The following UBR4 variants were observed in gnomAD, a reference collection of about 807,000 sequenced individuals.
UBR4 encodes E3 ubiquitin-protein ligase UBR4.
A neutral mutation model predicts 575.6 loss-of-function variants in UBR4; 124 were observed. The ratio of observed to expected loss-of-function variants is 0.22; its 90% confidence interval spans 0.19 to 0.25. UBR4 has a LOEUF of 0.25. UBR4 is among the 10% of genes least tolerant of loss of function. The pLI, the probability that UBR4 is intolerant of heterozygous loss-of-function variation, is 1.00. For missense variants in UBR4, 4,818 were observed against 6,478.8 expected, an observed-to-expected ratio of 0.74 and a Z score of 8.80; for synonymous variants, 2,455 against 2,473.7, an observed-to-expected ratio of 0.99 and a Z score of 0.22.
In UBR4 at chr1:19,155,553, A is replaced by G. The variant is rs2086324291; in HGVS notation, c.6188T>C (p.Ile2063Thr). The G allele has an allele frequency of 3.7e-6, 6 of 1,614,096 alleles. No homozygotes were observed. Among genetic ancestry groups the G allele is most frequent in the Middle Eastern group, 1.6e-4 (1 of 6,082 alleles). Reference protein sequence around the residue: ...FNEEGKNIIVIMSSAGYIYTQ... With the variant: ...FNEEGKNIIVTMSSAGYIYTQ... ...ATAGATGTACCCAGCCGAAGACATT[A>G]TAACAATGATGTTCTTTCCCTCCTC... Residue 2063 changes from isoleucine to threonine, a missense_variant, in exon 43 of 106, where the codon ATA becomes ACA. Coordinates refer to ENST00000375254, the MANE Select transcript of UBR4 (RefSeq NM_020765.3).
rs768904173 is a variant in UBR4, at chr1:19,186,515, GGA to G, written c.1750+23_1750+24del. 3.8e-6 allele frequency: 6 copies of G among 1,594,792 alleles called. No individual in the cohort carries two copies. In the Admixed American group the frequency reaches 1.0e-4, roughly 27 times the overall value. On this transcript the variant is annotated intron_variant, in intron 14 of 105. Transcript: ENST00000375254. The stretch of plus-strand genomic sequence containing the variant: ...TGTTGCACTCTATAGCTTATCTCTG[GGA>G]GAGAGAAAAGAGCGGCCTCTACCTT...
rs750296088 is a variant in UBR4 at position 19,168,187 on chromosome 1, G to A, written c.3742-3C>T. ...GTGTCATTGGCAAAGGCATTGCGCT[G>A]AAAGGAAGCAAAGCAGATGTAAATG... On this transcript the variant is annotated splice_polypyrimidine_tract_variant and splice_region_variant and intron_variant, in intron 27 of 105. Coordinates refer to ENST00000375254, the MANE Select transcript of UBR4 (RefSeq NM_020765.3). 1 of 1,568,240 alleles carries A rather than the reference G, an allele frequency of 6.4e-7. No homozygotes were observed.
intron 1 of UBR4, among the ~76,000 whole-genome samples, chr1:19,209,307 T>C (rs575568970): frequency 1.3e-5 from 2 of 152,292 alleles, no homozygotes; most frequent in South Asian, 4.1e-4. Flanking sequence ...CTGAGCACAG[T>C]ATGTCAGGAA....
At chr1:19,094,537 A>C (rs1177306071) in intron 94 of UBR4, among the ~76,000 whole-genome samples, 1 of 152,226 alleles carries the variant, frequency 6.6e-6, no homozygotes, top group Non-Finnish European at 1.5e-5. Flanking sequence ...TGATTCCACC[A>C]GTAACCAACT....
chr1:19,144,055 T>C lies in UBR4; in HGVS notation c.8104A>G (p.Ile2702Val). Reference protein sequence around the residue: ...AVSFSCKQALIRVLRPRNKRR... With the variant: ...AVSFSCKQALVRVLRPRNKRR... ...TTGTTCCTGGGCCTTAGGACTCGAA[T>C]TAGAGCTTGTTTACAAGAGAAGCTC... Residue 2702 changes from isoleucine to valine, a missense_variant, in exon 55 of 106, where the codon ATT becomes GTT. Physicochemically the swap from Ile to Val is conservative, Grantham distance 29. Around this residue, in one of 29 missense-constraint regions of UBR4, gnomAD observed 340 missense variants for 375.4 expected, o/e 0.91. Transcript: ENST00000375254. 1.2e-6 allele frequency: 2 copies of C among 1,614,042 alleles called. No homozygotes were observed. Among genetic ancestry groups the C allele is most frequent in the Non-Finnish European group, 1.7e-6 (2 of 1,179,916 alleles).
intron 33 of UBR4, 79 bp downstream of exon 33, chr1:19,164,174 C>A: frequency 6.7e-7 from 1 of 1,487,362 alleles, no homozygotes; most frequent in East Asian, 2.3e-5. Flanking sequence ...TTCTTCTGTA[C>A]TCACTTTGAG....
At chr1:19,166,663 A>G (rs2088475095) in intron 29 of UBR4, among the ~76,000 whole-genome samples, 1 of 135,454 alleles carries the variant, frequency 7.4e-6, no homozygotes, top group Non-Finnish European at 1.6e-5. Flanking sequence ...GGATCACTTG[A>G]GCTCAGGAGT....
At chr1:19,187,987 C>G (rs1395967718) in intron 11 of UBR4, among the ~76,000 whole-genome samples, 1 of 151,388 alleles carries the variant, frequency 6.6e-6, no homozygotes. Context: ...CCACTGCACT[C>G]CAGCCTGGGT....
intron 65 of UBR4, among the ~76,000 whole-genome samples, chr1:19,124,238 A>C (rs952810367): frequency 2.0e-5 from 3 of 152,182 alleles, no homozygotes; most frequent in Non-Finnish European, 4.4e-5. Context: ...AAATCTCTCT[A>C]TTAAGATAAC....
In UBR4 at chr1:19,165,774, A is replaced by G. The variant is rs964915457; in HGVS notation, c.4110-17T>C. 1.9e-6 allele frequency: 3 copies of G among 1,597,156 alleles called. No homozygotes were observed. The highest frequency in any genetic ancestry group is 2.6e-6 in the Non-Finnish European group (3 of 1,168,652). ...TCCAGTCCACTGAGGATCAAACGGA[A>G]AACTTAACCACCAGTATTAAGACCT... On this transcript the variant is annotated splice_polypyrimidine_tract_variant and intron_variant, in intron 29 of 105. Transcript: ENST00000375254.
chr1:19,192,624 C>A, intron 9 of UBR4, 84 bp from the exon 10 acceptor site: 2 of 1,454,208 alleles, frequency 1.4e-6, no homozygotes, highest in Non-Finnish European at 9.6e-7. Context: ...AACAATTTAA[C>A]TTGAAGAGTT....
At chr1:19,145,979 G>C (rs376091955) in intron 52 of UBR4, 46 bp from the exon 53 acceptor site, 23 of 1,612,826 alleles carry the variant, frequency 1.4e-5, no homozygotes, top group African/African-American at 2.7e-5. Context: ...ATCTGAGATG[G>C]AATTTAATTT....
In UBR4 at chr1:19,138,093, G is replaced by C. The variant is rs903774586; in HGVS notation, c.8820C>G (p.Ile2940Met). The change falls in exon 60 of 106, where the codon ATC becomes ATG. Residue 2940 changes from isoleucine to methionine, a missense_variant. Coordinates refer to ENST00000375254, the MANE Select transcript of UBR4 (RefSeq NM_020765.3). ...CCTCCTGGTGCCCAGTGGTGGTGCT[G>C]ATGGCTCCAGTGCTTGAGCTGACAC... ...PGSVSSSTGA[I>M]STTTGHQEGD... 10 of 1,598,382 alleles carry C rather than the reference G, an allele frequency of 6.3e-6. No individual in the cohort carries two copies. Among genetic ancestry groups the C allele is most frequent in the African/African-American group, 1.3e-5 (1 of 74,598 alleles).
Position 19,161,034 on chromosome 1 carries a change from C to T in UBR4, c.5289G>A (p.Ser1763=), listed in dbSNP as rs142435423. 14 of 1,613,956 alleles carry T rather than the reference C, an allele frequency of 8.7e-6. No homozygotes were observed. In the African/African-American group the frequency reaches 1.1e-4, roughly 12 times the overall value. Residue 1763 remains serine (S), a synonymous_variant, in exon 38 of 106, where the codon TCG becomes TCA. Transcript: ENST00000375254. ...ESLVRHASTS[S]PADKAKVTIS... ...TGGTAACCTTGGCTTTGTCAGCTGG[C>T]GAGGAGGTGCTGGCATGACGCACTA...
Position 19,185,217 on chromosome 1 carries a change from G to A in UBR4, c.1820C>T (p.Ala607Val). The change falls in exon 15 of 106, where the codon GCA (alanine) becomes GTA (valine). Residue 607 changes from alanine to valine, a missense_variant. Transcript: ENST00000375254. ...ETISPSKEKA[A>V]PPPPPPPPPL... The stretch of plus-strand genomic sequence containing the variant: ...AGGAGGTGGGGGAGGAGGCGGAGGT[G>A]CTGCTTTCTCTTTACTGGGAGAAAT... 1 of 1,613,252 alleles carries A rather than the reference G, an allele frequency of 6.2e-7. No homozygotes were observed.
Position 19,093,220 on chromosome 1 carries a change from ACACGTG to A in UBR4, c.14111+87_14111+92del, listed in dbSNP as rs1466697657. Reference sequence around the variant, plus strand: ...GGAGGCCCCAAGGAGGGCAAGGGGCACACGTGAAGCTTTATGCCAAGATGCTGATGG... The same window carrying A: ...GGAGGCCCCAAGGAGGGCAAGGGGCAAAGCTTTATGCCAAGATGCTGATGG... On this transcript the variant is annotated intron_variant, in intron 96 of 105. Coordinates refer to ENST00000375254, the MANE Select transcript of UBR4 (RefSeq NM_020765.3). The surrounding 1 kb of genome is among the most constrained non-coding windows in gnomAD (Gnocchi z 4.8). 6.8e-7 allele frequency: 1 copy of A among 1,476,698 alleles called. No individual in the cohort carries two copies. The highest frequency in any genetic ancestry group is 1.4e-5 in the African/African-American group (1 of 71,398). The allele number at this position is 1,476,698 out of a possible 1,614,324, so 91.5% of individuals were successfully genotyped here.
chr1:19,141,231 A>C lies in UBR4; in HGVS notation c.8488+116T>G. The C allele has an allele frequency of 2.1e-6, 3 of 1,423,132 alleles. No homozygotes were observed. The South Asian group carries it at 3.9e-5, about 18-fold the overall frequency. The allele number at this position is 1,423,132 out of a possible 1,614,324, so 88.2% of individuals were successfully genotyped here. A position where few individuals can be genotyped will look rare whatever the true frequency, so the allele number is the denominator to read the frequency against. On this transcript the variant is annotated intron_variant, in intron 57 of 105. Transcript: ENST00000375254. ...GTATCTCTGAACAGCTCTCACCCAG[A>C]TCAACCTCTCCCCATATCTGGGGAC...
intron 40 of UBR4, 75 bp from the exon 41 acceptor site, chr1:19,157,000 T>C: frequency 6.6e-7 from 1 of 1,515,888 alleles, no homozygotes; most frequent in Non-Finnish European, 8.9e-7. Flanking sequence ...ACAAAAACTC[T>C]TTCAATAGGG....
In UBR4 at chr1:19,094,947, T is replaced by C; in HGVS notation, c.13705A>G (p.Ile4569Val). ...GGCTCAGCATTGGACTCATCTAGAA[T>C]GATCTCCATGATGCTAAGCACCTGC... ...AEQVLSIMEI[I>V]LDESNAEPLS... Residue 4569 changes from isoleucine to valine, a missense_variant, in exon 94 of 106, where the codon ATT becomes GTT. Coordinates refer to ENST00000375254, the MANE Select transcript of UBR4 (RefSeq NM_020765.3). 1 of 1,614,110 alleles carries C rather than the reference T, an allele frequency of 6.2e-7. No homozygotes were observed. Among genetic ancestry groups the C allele is most frequent in the Admixed American group, 1.7e-5 (1 of 60,020 alleles).
Sources: allele counts gnomAD v4.1 joint callset (sites outside exome capture counted in the v4.1 genomes callset), GRCh38; gene constraint gnomAD v4.1.1; regional missense constraint gnomAD v4.1.1; non-coding constraint Gnocchi (gnomAD v3.1); transcripts MANE v1.5; gene names NCBI Gene and HGNC (gene_info 2026-07-23, HGNC 2026-07-21).